SGCD: variants seen among roughly 807,000 people sequenced by gnomAD.
The protein encoded by SGCD is sarcoglycan delta.
A neutral mutation model predicts 36.6 loss-of-function variants in SGCD; 18 were observed. The observed-to-expected ratio is 0.49, with a 90% CI of 0.34 to 0.73. The LOEUF (loss-of-function observed/expected upper bound fraction) is 0.73, where lower values mean the gene tolerates loss of function less well. Among genes scored for constraint, SGCD ranks in the 30% least tolerant of loss-of-function variants. The pLI, the probability that SGCD is intolerant of heterozygous loss-of-function variation, is 0.01. For synonymous variants in SGCD, 133 were observed against 130.6 expected (o/e 1.02, Z -0.12); for missense variants, 387 against 346.7 (o/e 1.12, Z -0.92).
At chr5:156,056,322 C>A (rs2127582516) in intron 1 of SGCD, among the ~76,000 whole-genome samples, 1 of 146,010 alleles carries the variant, frequency 6.8e-6, no homozygotes, top group Admixed American at 6.8e-5. Flanking sequence ...GCCTGGGGAC[C>A]AGACTGCCTT....
intron 6 of SGCD, among the ~76,000 whole-genome samples, chr5:156,612,823 C>T (rs57004203): frequency 0.016 from 2,406 of 152,284 alleles, 65 homozygotes; most frequent in African/African-American, 0.055. Context: ...ACTTAGGTCA[C>T]AGTGGATGGA....
intron 6 of SGCD, among the ~76,000 whole-genome samples, chr5:156,636,644 G>A (rs1368239855): frequency 1.3e-5 from 2 of 152,158 alleles, no homozygotes; most frequent in Non-Finnish European, 2.9e-5. Flanking sequence ...CAAAAGGAAA[G>A]GAAAAGTACT....
intron 1 of SGCD, among the ~76,000 whole-genome samples, chr5:156,075,813 G>A (rs1489836649): frequency 1.3e-5 from 2 of 152,180 alleles, no homozygotes; most frequent in African/African-American, 4.8e-5. Context: ...ACTGGCAAGA[G>A]TACATTGAAG....
intron 3 of SGCD, among the ~76,000 whole-genome samples, chr5:156,163,209 A>G (rs1294317306): frequency 1.3e-5 from 2 of 151,722 alleles, no homozygotes; most frequent in African/African-American, 4.9e-5. Context: ...ATAAGAAAAT[A>G]CTAAAGTACT....
At chr5:155,812,419 T>G in the SGCD span, among the ~76,000 whole-genome samples, 14 of 152,172 alleles carry the variant, frequency 9.2e-5, no homozygotes, top group African/African-American at 3.1e-4. Context: ...GGCATTGTCT[T>G]TACACAATCC....
At chr5:156,678,619 G>A (rs185829270) in intron 7 of SGCD, among the ~76,000 whole-genome samples, 258 of 152,296 alleles carry the variant, frequency 1.7e-3, no homozygotes, top group Middle Eastern at 3.4e-3. Context: ...TTACATCAAA[G>A]GTGATGGTTC....
chr5:156,423,158 A>AAATATATTTAATATAATTATATAATAT (rs1561685115), intron 3 of SGCD, among the ~76,000 whole-genome samples: 2 of 23,090 alleles, frequency 8.7e-5, no homozygotes, highest in African/African-American at 1.5e-4. Context: ...TTAATTATTT[A>AAATATATTTAATATAATTATATAATAT]AATATTATAT....
At chr5:156,222,576 A>C (rs1445489253) in intron 3 of SGCD, among the ~76,000 whole-genome samples, 1 of 152,112 alleles carries the variant, frequency 6.6e-6, no homozygotes, top group African/African-American at 2.4e-5. Flanking sequence ...GCTTGAGTAA[A>C]GTAAAGTGGT....
chr5:156,273,520 G>A (rs918329574), intron 3 of SGCD, among the ~76,000 whole-genome samples: 1 of 152,122 alleles, frequency 6.6e-6, no homozygotes, highest in Non-Finnish European at 1.5e-5. Flanking sequence ...TTCTAATCGG[G>A]CTCTGCTGTA....
chr5:156,654,456 A>C (rs564643697), intron 7 of SGCD, among the ~76,000 whole-genome samples: 24 of 152,266 alleles, frequency 1.6e-4, no homozygotes, highest in African/African-American at 5.8e-4. Flanking sequence ...ATGAGTCATT[A>C]ATAAAAACTC....
chr5:156,557,288 A>C (rs548650547), intron 4 of SGCD, among the ~76,000 whole-genome samples: 3 of 152,198 alleles, frequency 2.0e-5, no homozygotes, highest in Non-Finnish European at 2.9e-5. Flanking sequence ...CTTTCAGATA[A>C]AGATGGGAGG....
chr5:156,597,442 C>G lies in SGCD; in HGVS notation c.502+2391C>G, dbSNP rs114429835. Among the ~76,000 whole-genome samples, 583 of 152,286 alleles carry G rather than the reference C, an allele frequency of 3.8e-3. 1 individual carries two copies. The highest frequency in any genetic ancestry group is 6.4e-3 in the Non-Finnish European group (433 of 68,028). The stretch of plus-strand genomic sequence containing the variant: ...AAGACACATTTTACATGGAGGCAGG[C>G]AAGAGAGCACATGCAGGAAAACTGC... On this transcript the variant is annotated intron_variant, in intron 6 of 8. Coordinates refer to ENST00000337851, the MANE Select transcript of SGCD (RefSeq NM_000337.6).
chr5:155,844,215 C>T, the SGCD span, among the ~76,000 whole-genome samples: 7 of 152,148 alleles, frequency 4.6e-5, no homozygotes, highest in South Asian at 2.1e-4. Flanking sequence ...CACACCTCTT[C>T]GATTGGCTGG....
At chr5:155,784,343 G>A in the SGCD span, among the ~76,000 whole-genome samples, 2 of 152,310 alleles carry the variant, frequency 1.3e-5, no homozygotes, top group African/African-American at 2.4e-5. Context: ...ACCATTGAGT[G>A]ATGTTGAAGC....
intron 7 of SGCD, among the ~76,000 whole-genome samples, chr5:156,710,047 G>C (rs777873544): frequency 5.3e-4 from 81 of 152,050 alleles, no homozygotes; most frequent in Non-Finnish European, 1.1e-3. Context: ...TCTTGGGAGA[G>C]TTTTCTTGCG....
chr5:156,078,568 TATATTTATATTTATA>T (rs1760860387), intron 1 of SGCD, among the ~76,000 whole-genome samples: 5 of 95,228 alleles, frequency 5.3e-5, no homozygotes, highest in African/African-American at 4.4e-4. Context: ...TATTTATATA[TATATTTATATTTATA>T]TATATTTATA....
At chr5:155,886,016 A>G (rs997807972) in intron 1 of SGCD, among the ~76,000 whole-genome samples, 2 of 152,218 alleles carry the variant, frequency 1.3e-5, no homozygotes, top group Non-Finnish European at 2.9e-5. Context: ...ATTTTGGCTG[A>G]ACATTTATTT....
the SGCD span, among the ~76,000 whole-genome samples, chr5:155,829,618 C>G: frequency 6.6e-6 from 1 of 152,200 alleles, no homozygotes; most frequent in South Asian, 2.1e-4. Flanking sequence ...TGCAAGACAA[C>G]TGGTTTTTGT....
At chr5:156,237,951 ATT>A (rs368855099) in intron 3 of SGCD, among the ~76,000 whole-genome samples, 1 of 143,438 alleles carries the variant, frequency 7.0e-6, no homozygotes, top group African/African-American at 2.5e-5. Flanking sequence ...GGATAAGATG[ATT>A]TTTTTTTTTT....
Sources: allele counts gnomAD v4.1 joint callset (sites outside exome capture counted in the v4.1 genomes callset), GRCh38; gene constraint gnomAD v4.1.1; transcripts MANE v1.5; gene names NCBI Gene and HGNC (gene_info 2026-07-23, HGNC 2026-07-21).